The following DNAH12 variants were observed in gnomAD, a reference collection of about 807,000 sequenced individuals.
DNAH12 encodes the protein axonemal beta dynein heavy chain 12.
Under a neutral mutation model 371.5 loss-of-function variants are expected in DNAH12, and 285 were observed. The ratio of observed to expected loss-of-function variants is 0.77; its 90% confidence interval spans 0.70 to 0.85. The LOEUF (loss-of-function observed/expected upper bound fraction) is 0.85. Among genes scored for constraint, DNAH12 ranks in the 40% least tolerant of loss-of-function variants. DNAH12 has a pLI of 0.00. For missense variants in DNAH12, 3,611 were observed against 3,689.4 expected, an observed-to-expected ratio of 0.98 and a Z score of 0.55; for synonymous variants, 1,200 against 1,213.0, an observed-to-expected ratio of 0.99 and a Z score of 0.22.
At chr3:57,465,128 A>G (rs1007948898) in intron 17 of DNAH12, among the ~76,000 whole-genome samples, 2 of 152,172 alleles carry the variant, frequency 1.3e-5, no homozygotes, top group Admixed American at 6.5e-5. Flanking sequence ...TTAGCTCAGG[A>G]CATAGCCTGT....
At chr3:57,442,393 G>A (rs1385842651) in intron 29 of DNAH12, among the ~76,000 whole-genome samples, 1 of 152,080 alleles carries the variant, frequency 6.6e-6, no homozygotes, top group Non-Finnish European at 1.5e-5. Flanking sequence ...ATGGGCAGGA[G>A]TGAGTGGATA....
chr3:57,396,422 G>C (rs1355454699), intron 43 of DNAH12, among the ~76,000 whole-genome samples: 19 of 149,574 alleles, frequency 1.3e-4, no homozygotes, highest in African/African-American at 4.7e-4. Flanking sequence ...TTTTGAGACA[G>C]AGTCTTGCTC....
chr3:57,443,643 CTAAT>C (rs1456315295), intron 29 of DNAH12, among the ~76,000 whole-genome samples: 1 of 151,826 alleles, frequency 6.6e-6, no homozygotes, highest in Non-Finnish European at 1.5e-5. Flanking sequence ...TTACCACAAT[CTAAT>C]TAACATATCC....
intron 16 of DNAH12, 64 bp downstream of exon 16, chr3:57,470,379 A>C: frequency 4.2e-6 from 6 of 1,417,728 alleles, no homozygotes; most frequent in Non-Finnish European, 5.6e-6. Context: ...AAAAAAAATC[A>C]ATTTATATTT....
intron 19 of DNAH12, 34 bp from the exon 20 acceptor site, chr3:57,459,820 TA>T: frequency 7.6e-7 from 1 of 1,309,288 alleles, no homozygotes; most frequent in African/African-American, 1.5e-5. Flanking sequence ...AAATTCTAGT[TA>T]TTAAAGAAAG....
Position 57,332,960 on chromosome 3 carries a change from A to G in DNAH12, c.9978+1505T>C, listed in dbSNP as rs982046783. Among the ~76,000 whole-genome samples the G allele has an allele frequency of 2.0e-5, 3 of 152,326 alleles. 1 individual carries two copies. In the South Asian group the frequency reaches 6.2e-4, roughly 32 times the overall value. ...AGACCATCCTAACAAATCTTAAACA[A>G]TATTTGAAAGGAACAATTCAAACTT... On this transcript the variant is annotated intron_variant, in intron 62 of 73. Coordinates refer to ENST00000495027, the MANE Select transcript of DNAH12 (RefSeq NM_001366028.2).
chr3:57,479,615 T>C (rs759896940), intron 13 of DNAH12, among the ~76,000 whole-genome samples: 1 of 152,128 alleles, frequency 6.6e-6, no homozygotes, highest in Non-Finnish European at 1.5e-5. Context: ...CAACAGAATA[T>C]ACATTCTTCT....
intron 43 of DNAH12, among the ~76,000 whole-genome samples, chr3:57,400,748 T>G (rs1418610083): frequency 1.3e-5 from 2 of 152,184 alleles, no homozygotes; most frequent in African/African-American, 4.8e-5. Context: ...AAGCCACAAG[T>G]AAGGGGGGAC....
chr3:57,507,674 T>C lies in DNAH12; in HGVS notation c.866A>G (p.Tyr289Cys). The C allele has an allele frequency of 1.2e-6, 2 of 1,609,418 alleles. No homozygotes were observed. The highest frequency in any genetic ancestry group is 1.7e-6 in the Non-Finnish European group (2 of 1,179,332). ...TGACATAAGTGTGGAAACACAGCTA[T>C]AAAATGCATCCAATTTTTCAGGTTT... ...GVKPEKLDAF[Y>C]SCVSTLMSNQ... is the part of the protein sequence containing the mutation. The change falls in exon 8 of 74, where the codon TAT (tyrosine) becomes TGT (cysteine). Residue 289 changes from tyrosine to cysteine, a missense_variant. Transcript: ENST00000495027.
chr3:57,332,209 CA>C (rs2062115210), intron 62 of DNAH12, among the ~76,000 whole-genome samples: 1 of 152,144 alleles, frequency 6.6e-6, no homozygotes, highest in African/African-American at 2.4e-5. Context: ...CTTTCTATTA[CA>C]AAATTATCCC....
chr3:57,429,848 T>G, intron 32 of DNAH12, 74 bp from the exon 33 acceptor site: 2 of 1,216,326 alleles, frequency 1.6e-6, no homozygotes, highest in Admixed American at 3.2e-5. Context: ...ATACTATGTA[T>G]AAAATAAAGT....
chr3:57,409,090 T>C (rs578120342), intron 39 of DNAH12, among the ~76,000 whole-genome samples: 2 of 152,280 alleles, frequency 1.3e-5, no homozygotes, highest in South Asian at 2.1e-4. Context: ...CTAAATAGGA[T>C]CTATACATTT....
At chr3:57,345,884 T>G (rs2062529969) in intron 60 of DNAH12, among the ~76,000 whole-genome samples, 1 of 152,190 alleles carries the variant, frequency 6.6e-6, no homozygotes, top group Admixed American at 6.5e-5. Flanking sequence ...TGAATATTTC[T>G]GGCTAGGCAG....
At chr3:57,535,065 A>G (rs1278196186) in intron 2 of DNAH12, among the ~76,000 whole-genome samples, 2 of 152,192 alleles carry the variant, frequency 1.3e-5, no homozygotes, top group Non-Finnish European at 2.9e-5. Context: ...CATATTACCG[A>G]TAGGAACATG....
intron 13 of DNAH12, among the ~76,000 whole-genome samples, chr3:57,480,633 C>A (rs9683157): frequency 0.67 from 101,186 of 151,452 alleles, 34,069 homozygotes; most frequent in South Asian, 0.75. Flanking sequence ...GAATTTTAGA[C>A]CAATATCCCT....
chr3:57,390,424 A>AAAAATAT lies in DNAH12; in HGVS notation c.7305+1447_7305+1448insATATTTT. Among the ~76,000 whole-genome samples the AAAAATAT allele has an allele frequency of 6.0e-5, 2 of 33,440 alleles. 1 individual carries two copies. Among genetic ancestry groups the AAAAATAT allele is most frequent in the South Asian group, 5.5e-3 (2 of 366 alleles). The allele number at this position is 33,440 out of a possible 152,430, so 21.9% of individuals were successfully genotyped here. A position where few individuals can be genotyped will look rare whatever the true frequency, so the allele number is the denominator to read the frequency against. On this transcript the variant is annotated intron_variant, in intron 45 of 73. Transcript: ENST00000495027. ...ATCCTGTCTCAAAAAAAAAAAAAAA[A>AAAAATAT]ATATATATATATATATATATATATA...
chr3:57,305,448 G>A (rs1275359608), intron 69 of DNAH12, among the ~76,000 whole-genome samples: 4 of 152,060 alleles, frequency 2.6e-5, no homozygotes, highest in Admixed American at 1.3e-4. Context: ...ACCCGGTCCA[G>A]CTTACAGTTT....
At chr3:57,311,852 ATCATT>A (rs2061590373) in intron 66 of DNAH12, among the ~76,000 whole-genome samples, 1 of 152,232 alleles carries the variant, frequency 6.6e-6, no homozygotes, top group Non-Finnish European at 1.5e-5. Flanking sequence ...GGCAATACAT[ATCATT>A]TCTAGTTTCC....
chr3:57,426,352 T>C (rs1288401300), intron 34 of DNAH12, among the ~76,000 whole-genome samples: 1 of 152,138 alleles, frequency 6.6e-6, no homozygotes, highest in South Asian at 2.1e-4. Context: ...GATTTGTGTT[T>C]TGGAAACTTC....
Sources: allele counts gnomAD v4.1 joint callset (sites outside exome capture counted in the v4.1 genomes callset), GRCh38; gene constraint gnomAD v4.1.1; transcripts MANE v1.5; gene names NCBI Gene and HGNC (gene_info 2026-07-23, HGNC 2026-07-21).